TMEM132B: variants seen among roughly 807,000 people sequenced by gnomAD.
TMEM132B encodes transmembrane protein 132B.
A neutral mutation model predicts 90.8 loss-of-function variants in TMEM132B; 18 were observed. The ratio of observed to expected loss-of-function variants is 0.20; its 90% CI spans 0.14 to 0.29. The LOEUF (loss-of-function observed/expected upper bound fraction) is 0.29, where lower values mean the gene tolerates loss of function less well. Among genes scored for constraint, TMEM132B ranks in the 10% least tolerant of loss-of-function variants. TMEM132B has a pLI of 1.00. For missense variants in TMEM132B, 1,096 were observed against 1,326.8 expected (o/e 0.83, Z 2.70); for synonymous variants, 504 against 523.3 (o/e 0.96, Z 0.50).
rs1876592590 is a variant in TMEM132B, at chr12:125,326,851, C to A, written c.68-22601C>A. ...GCTCACTCATTGTGCTTCTTGCCAC[C>A]TTGTTACTATTGAAACTGTCCACCG... On this transcript the variant is annotated intron_variant, in intron 1 of 8. Coordinates refer to ENST00000682704, the MANE Select transcript of TMEM132B (RefSeq NM_001366854.1). Among the ~76,000 whole-genome samples the A allele has an allele frequency of 2.6e-5, 4 of 152,168 alleles. No homozygotes were observed. The South Asian group carries it at 8.3e-4, about 32-fold the overall frequency.
intron 3 of TMEM132B, among the ~76,000 whole-genome samples, chr12:125,437,173 G>A (rs961542777): frequency 6.6e-6 from 1 of 152,152 alleles, no homozygotes; most frequent in East Asian, 1.9e-4. Context: ...AGGGAGCATG[G>A]GATTGGGGCA....
rs953659255 is a variant in TMEM132B at position 125,497,112 on chromosome 12, G to A, written c.1107-22327G>A. Among the ~76,000 whole-genome samples, 6 of 152,108 alleles carry A rather than the reference G, an allele frequency of 3.9e-5. No homozygotes were observed. In the East Asian group the frequency reaches 1.2e-3, roughly 29 times the overall value. On this transcript the variant is annotated intron_variant, in intron 3 of 8. Coordinates refer to ENST00000682704, the MANE Select transcript of TMEM132B (RefSeq NM_001366854.1). ...TGGGGTCCCCCTATTACCCAGCCTG[G>A]GCTGCCCTAAATCTGCTGTCCTCCA...
chr12:125,643,143 C>T (rs1886673369), intron 5 of TMEM132B, among the ~76,000 whole-genome samples: 1 of 152,132 alleles, frequency 6.6e-6, no homozygotes, highest in Admixed American at 6.5e-5. Context: ...AGAGAAGCAA[C>T]AAGAATAAGT....
chr12:125,368,378 A>G (rs1274243850), intron 2 of TMEM132B, among the ~76,000 whole-genome samples: 2 of 152,190 alleles, frequency 1.3e-5, no homozygotes, highest in African/African-American at 4.8e-5. Context: ...TAATTACATA[A>G]TTAAGGTGGT....
intron 2 of TMEM132B, among the ~76,000 whole-genome samples, chr12:125,378,780 A>G (rs1878571395): frequency 6.6e-6 from 1 of 152,210 alleles, no homozygotes; most frequent in African/African-American, 2.4e-5. Flanking sequence ...AAACAAGTTT[A>G]TAGGTCAATA....
At chr12:125,208,326 A>G (rs533909118) in intron 1 of TMEM132B, among the ~76,000 whole-genome samples, 3 of 152,354 alleles carry the variant, frequency 2.0e-5, no homozygotes, top group African/African-American at 7.2e-5. Flanking sequence ...CAACCATTTC[A>G]AAGTGTACAT....
intron 2 of TMEM132B, among the ~76,000 whole-genome samples, chr12:125,352,331 C>G (rs1877614154): frequency 6.6e-6 from 1 of 152,244 alleles, no homozygotes; most frequent in South Asian, 2.1e-4. Flanking sequence ...AGTCAGCAGC[C>G]TCTATCTGTA....
intron 2 of TMEM132B, among the ~76,000 whole-genome samples, chr12:125,393,050 G>A (rs1296210290): frequency 2.0e-5 from 3 of 152,182 alleles, no homozygotes; most frequent in Admixed American, 6.5e-5. Flanking sequence ...GCGACTAGAA[G>A]CCATGTCAGT....
chr12:125,638,247 GA>G (rs1317665968), intron 5 of TMEM132B, among the ~76,000 whole-genome samples: 2 of 152,146 alleles, frequency 1.3e-5, no homozygotes, highest in Non-Finnish European at 2.9e-5. Flanking sequence ...CCATAATATA[GA>G]GACAAAAATG....
chr12:125,479,395 CA>C, intron 3 of TMEM132B, among the ~76,000 whole-genome samples: 1 of 152,012 alleles, frequency 6.6e-6, no homozygotes, highest in East Asian at 1.9e-4. Flanking sequence ...CACATAGGCT[CA>C]AAATAAAGGG....
intron 1 of TMEM132B, among the ~76,000 whole-genome samples, chr12:125,235,989 G>A (rs1226272895): frequency 6.6e-6 from 1 of 151,646 alleles, no homozygotes; most frequent in Non-Finnish European, 1.5e-5. Flanking sequence ...TTTTAGTAGA[G>A]ACAGGATTTC....
At chr12:125,537,930 T>C (rs1659187667) in intron 4 of TMEM132B, among the ~76,000 whole-genome samples, 1 of 152,088 alleles carries the variant, frequency 6.6e-6, no homozygotes, top group South Asian at 2.1e-4. Context: ...GCCACTTGAC[T>C]CCAGAGTCCA....
At chr12:125,505,166 C>CAAAAA (rs71306287) in intron 3 of TMEM132B, among the ~76,000 whole-genome samples, 525 of 28,532 alleles carry the variant, frequency 0.018, 144 homozygotes, top group East Asian at 0.039. Flanking sequence ...CACCAGAGGA[C>CAAAAA]AAAAAAAAAA....
At chr12:125,260,511 CCT>C (rs777458732) in intron 1 of TMEM132B, among the ~76,000 whole-genome samples, 1 of 149,760 alleles carries the variant, frequency 6.7e-6, no homozygotes, top group Non-Finnish European at 1.5e-5. Context: ...CTAAGGTTTA[CCT>C]TTTTTTTTTT....
chr12:125,314,283 G>A (rs1480190777), intron 1 of TMEM132B, among the ~76,000 whole-genome samples: 2 of 152,214 alleles, frequency 1.3e-5, no homozygotes, highest in Non-Finnish European at 2.9e-5. Context: ...TTCTTGGAAT[G>A]TGGAGATTTT....
At chr12:125,236,186 C>T (rs1437624561) in intron 1 of TMEM132B, among the ~76,000 whole-genome samples, 1 of 150,638 alleles carries the variant, frequency 6.6e-6, no homozygotes, top group Non-Finnish European at 1.5e-5. Flanking sequence ...CTCTCTATTG[C>T]CCAGGGTGGA....
Position 125,530,668 on chromosome 12 carries a change from G to A in TMEM132B, c.1293+11043G>A, listed in dbSNP as rs369932321. 3.3e-5 allele frequency among the ~76,000 whole-genome samples: 5 copies of A among 152,298 alleles called. No homozygotes were observed. The East Asian group carries it at 9.6e-4, about 29-fold the overall frequency. On this transcript the variant is annotated intron_variant, in intron 4 of 8. Transcript: ENST00000682704. ...GTCTTCCCTGCCTCTTCCAGCTTCC[G>A]CTGGCTCCAGGCGTTCCTTAGCCTG... is the stretch of plus-strand genomic sequence containing the variant.
chr12:125,570,709 A>C (rs1281844332), intron 4 of TMEM132B, among the ~76,000 whole-genome samples: 1 of 152,222 alleles, frequency 6.6e-6, no homozygotes, highest in Non-Finnish European at 1.5e-5. Flanking sequence ...AGTGGGATTG[A>C]AAAATCAGTA....
chr12:125,366,958 A>G (rs958497870), intron 2 of TMEM132B, among the ~76,000 whole-genome samples: 6 of 152,160 alleles, frequency 3.9e-5, no homozygotes, highest in African/African-American at 1.4e-4. Flanking sequence ...TATTAAGTCC[A>G]CCAGTGCAAT....
Sources: allele counts gnomAD v4.1 joint callset (sites outside exome capture counted in the v4.1 genomes callset), GRCh38; gene constraint gnomAD v4.1.1; transcripts MANE v1.5; gene names NCBI Gene and HGNC (gene_info 2026-07-23, HGNC 2026-07-21).